Variants in MAP3K20 observed in about 807,000 individuals in gnomAD.
MAP3K20 encodes the protein mitogen-activated protein kinase kinase kinase 20, also known as HCCS-4.
In MAP3K20, 40 loss-of-function variants were observed where a neutral mutation model predicts 85.7. The observed-to-expected ratio is 0.47, with a 90% CI of 0.36 to 0.61. MAP3K20 has a LOEUF of 0.61. Ranked by LOEUF, MAP3K20 falls within the 20% of genes least tolerant of loss-of-function variation. The probability of loss-of-function intolerance (pLI) is 0.00; values close to 1 mark genes in which losing one functional copy is unlikely to be tolerated. For missense variants in MAP3K20, 817 were observed against 961.7 expected (o/e 0.85, Z 1.99); for synonymous variants, 325 against 327.7 (o/e 0.99, Z 0.09).
chr2:173,143,003 GA>G (rs1261860453), intron 2 of MAP3K20, among the ~76,000 whole-genome samples: 1 of 152,052 alleles, frequency 6.6e-6, no homozygotes, highest in East Asian at 1.9e-4. Context: ...CTCCAGCCTG[GA>G]CAGCAGAGCT....
chr2:173,253,990 G>C (rs1325344430), intron 16 of MAP3K20, among the ~76,000 whole-genome samples: 2 of 151,098 alleles, frequency 1.3e-5, no homozygotes, highest in Non-Finnish European at 2.9e-5. Context: ...AAGATCGCTT[G>C]AGCCCTGGAA....
intron 19 of MAP3K20, 42 bp downstream of exon 19, chr2:173,263,937 A>C: frequency 1.3e-6 from 2 of 1,567,240 alleles, no homozygotes; most frequent in Non-Finnish European, 1.7e-6. Context: ...TAGATTCCAG[A>C]AACTTAATTA....
At chr2:173,192,679 C>G (rs567550303) in intron 7 of MAP3K20, among the ~76,000 whole-genome samples, 1 of 152,286 alleles carries the variant, frequency 6.6e-6, no homozygotes, top group South Asian at 2.1e-4. Context: ...ATCATACATT[C>G]ATCTGTGGGA....
intron 2 of MAP3K20, among the ~76,000 whole-genome samples, chr2:173,140,556 G>C (rs181119845): frequency 6.6e-6 from 1 of 150,948 alleles, no homozygotes; most frequent in African/African-American, 2.4e-5. Context: ...CTCTATTTTG[G>C]TCAGGTTGTT....
chr2:173,241,869 G>C (rs1684790736), intron 16 of MAP3K20, among the ~76,000 whole-genome samples: 1 of 152,130 alleles, frequency 6.6e-6, no homozygotes, highest in South Asian at 2.1e-4. Context: ...TCTGTGAATG[G>C]ATCACTGTCT....
At chr2:173,133,289 G>A (rs1688669590) in intron 2 of MAP3K20, among the ~76,000 whole-genome samples, 1 of 152,134 alleles carries the variant, frequency 6.6e-6, no homozygotes. Context: ...TGGGTAACAC[G>A]TAGAGACGAT....
At chr2:173,119,980 T>C (rs529101342) in intron 2 of MAP3K20, among the ~76,000 whole-genome samples, 3 of 152,264 alleles carry the variant, frequency 2.0e-5, no homozygotes, top group South Asian at 2.1e-4. Context: ...ATAATTAATA[T>C]ACACAAGTAT....
chr2:173,090,722 G>A (rs1687269919), intron 1 of MAP3K20: 1 of 1,042,590 alleles, frequency 9.6e-7, no homozygotes, highest in Non-Finnish European at 1.2e-6. Flanking sequence ...GGATGAGTAG[G>A]AAGTGCTGCT....
At chr2:173,241,338 C>T (rs879495846) in intron 16 of MAP3K20, among the ~76,000 whole-genome samples, 4 of 152,092 alleles carry the variant, frequency 2.6e-5, no homozygotes, top group African/African-American at 7.2e-5. Context: ...AAAGACTGGG[C>T]GCAGTGAATC....
chr2:173,101,351 C>T (rs1054354333), intron 2 of MAP3K20, among the ~76,000 whole-genome samples: 1 of 152,098 alleles, frequency 6.6e-6, no homozygotes, highest in African/African-American at 2.4e-5. Context: ...AATATATTTA[C>T]CTGTACATGG....
intron 16 of MAP3K20, among the ~76,000 whole-genome samples, chr2:173,256,704 C>T (rs1373875356): frequency 2.0e-5 from 3 of 152,154 alleles, no homozygotes; most frequent in African/African-American, 7.2e-5. Flanking sequence ...CCCCATTCAA[C>T]CACTAACATT....
At chr2:173,120,417 T>C (rs1439652588) in intron 2 of MAP3K20, among the ~76,000 whole-genome samples, 1 of 151,996 alleles carries the variant, frequency 6.6e-6, no homozygotes, top group African/African-American at 2.4e-5. Context: ...CTTGCCCCCA[T>C]TGTTTAGCAA....
intron 16 of MAP3K20, among the ~76,000 whole-genome samples, chr2:173,254,186 C>G (rs921397232): frequency 6.6e-6 from 1 of 151,442 alleles, no homozygotes; most frequent in Non-Finnish European, 1.5e-5. Context: ...GAGGCTGAGG[C>G]AGGCGGATCA....
rs913070518 is a variant in MAP3K20, at chr2:173,212,146, A to G, written c.851+2311A>G. 3.9e-5 allele frequency: 6 copies of G among 152,292 alleles called. No homozygotes were observed. The East Asian group carries it at 1.2e-3, about 29-fold the overall frequency. 9.4% of individuals were successfully genotyped at this position (152,292 alleles called of 1,614,324 possible). On this transcript the variant is annotated intron_variant, in intron 10 of 19. Transcript: ENST00000375213. ...GAGAATATAAATATGTATGTTTGCC[A>G]TGACAAAAGTACTTCTTATGTTCAT...
intron 2 of MAP3K20, among the ~76,000 whole-genome samples, chr2:173,141,665 T>G (rs934628161): frequency 3.3e-5 from 5 of 152,068 alleles, no homozygotes; most frequent in African/African-American, 1.2e-4. Flanking sequence ...AAATGATGAC[T>G]TCAAGTGCCC....
At chr2:173,183,884 G>A (rs1690405532) in intron 4 of MAP3K20, among the ~76,000 whole-genome samples, 2 of 152,112 alleles carry the variant, frequency 1.3e-5, no homozygotes, top group African/African-American at 4.8e-5. Context: ...AAAAGTAGCA[G>A]TCTTTCCTTT....
intron 11 of MAP3K20, chr2:173,223,591 C>T: frequency 1.0e-6 from 1 of 985,394 alleles, no homozygotes; most frequent in Non-Finnish European, 1.2e-6. Context: ...AGAGAACATG[C>T]TTAGAATGTA....
intron 2 of MAP3K20, among the ~76,000 whole-genome samples, chr2:173,128,921 CTTTTTTT>C (rs386391866): frequency 8.6e-6 from 1 of 116,092 alleles, no homozygotes; most frequent in African/African-American, 3.3e-5. Flanking sequence ...GAAATCTTTT[CTTTTTTT>C]TTTTTTTTTT....
intron 2 of MAP3K20, among the ~76,000 whole-genome samples, chr2:173,150,841 C>T (rs1320253022): frequency 6.6e-6 from 1 of 152,148 alleles, no homozygotes; most frequent in Non-Finnish European, 1.5e-5. Flanking sequence ...AGATTACAGG[C>T]GTGAGCCACC....
Sources: gnomAD v4.1 joint callset for allele counts (sites outside exome capture counted in the v4.1 genomes callset) on GRCh38, gnomAD v4.1.1 for gene constraint, MANE v1.5 for transcripts, NCBI Gene and HGNC (gene_info 2026-07-23, HGNC 2026-07-21) for gene names.